The following GABRG2 variants were observed in gnomAD, a reference collection of about 807,000 sequenced individuals.
GABRG2 encodes the protein gamma-aminobutyric acid type A receptor subunit gamma2, also known as gamma-aminobutyric acid receptor subunit gamma-2.
In GABRG2, 16 loss-of-function variants were observed where a neutral mutation model predicts 56.4. The ratio of observed to expected loss-of-function variants is 0.28; its 90% confidence interval spans 0.19 to 0.43. The LOEUF is 0.43. Ranked by LOEUF, GABRG2 falls within the 20% of genes least tolerant of loss-of-function variation. The pLI, the probability that GABRG2 is intolerant of heterozygous loss-of-function variation, is 1.00. For missense variants in GABRG2, 327 were observed against 582.7 expected (o/e 0.56, Z 4.52); for synonymous variants, 208 against 205.5 (o/e 1.01, Z -0.10).
At chr5:162,091,142 T>G (rs1436466236) in intron 1 of GABRG2, among the ~76,000 whole-genome samples, 1 of 152,080 alleles carries the variant, frequency 6.6e-6, no homozygotes, top group East Asian at 1.9e-4. Flanking sequence ...ATTATTTTTC[T>G]TCCTGAAAAA....
rs1753767206 is a variant in GABRG2, at chr5:162,155,057, A to T, written c.*1689A>T. 6.6e-6 allele frequency: 1 copy of T among 152,462 alleles called. No homozygotes were observed. Among genetic ancestry groups the T allele is most frequent in the Non-Finnish European group, 1.5e-5 (1 of 68,010 alleles). The allele number at this position is 152,462 out of a possible 1,614,324, so 9.4% of individuals were successfully genotyped here. A position where few individuals can be genotyped will look rare whatever the true frequency, so the allele number is the denominator to read the frequency against. ...ATTAAATCATAGCTAGTATAACTTTACAGATAACCTAAAAAGAATAGAAAA... is the reference window on the plus strand; with the variant it reads ...ATTAAATCATAGCTAGTATAACTTTTCAGATAACCTAAAAAGAATAGAAAA... On this transcript the variant is annotated 3_prime_UTR_variant, in exon 10 of 10. Coordinates refer to ENST00000639213, the MANE Select transcript of GABRG2 (RefSeq NM_198904.4).
At chr5:162,110,806 G>A (rs542606093) in intron 6 of GABRG2, among the ~76,000 whole-genome samples, 26 of 152,184 alleles carry the variant, frequency 1.7e-4, no homozygotes, top group Middle Eastern at 3.4e-3. Context: ...TTGAAGCAGC[G>A]TAATATCTTA....
At chr5:162,123,918 T>C (rs1763142647) in intron 6 of GABRG2, among the ~76,000 whole-genome samples, 1 of 151,872 alleles carries the variant, frequency 6.6e-6, no homozygotes, top group Admixed American at 6.6e-5. Context: ...AAGCAACATC[T>C]TCAAACGACT....
intron 6 of GABRG2, among the ~76,000 whole-genome samples, chr5:162,111,174 A>G (rs1427637429): frequency 6.6e-6 from 1 of 152,190 alleles, no homozygotes; most frequent in Non-Finnish European, 1.5e-5. Flanking sequence ...ATTTCAAAAC[A>G]AATACAAAAA....
chr5:162,133,518 G>C (rs1324394105), intron 6 of GABRG2, among the ~76,000 whole-genome samples: 1 of 152,082 alleles, frequency 6.6e-6, no homozygotes, highest in Non-Finnish European at 1.5e-5. Flanking sequence ...CCAGGAAATT[G>C]CTGTCTCTTT....
intron 6 of GABRG2, among the ~76,000 whole-genome samples, chr5:162,123,535 G>A (rs1196515241): frequency 6.6e-6 from 1 of 151,736 alleles, no homozygotes; most frequent in Non-Finnish European, 1.5e-5. Context: ...ACCTGTCTTG[G>A]GAGTTACAGC....
At chr5:162,087,658 C>A (rs891087045) in intron 1 of GABRG2, among the ~76,000 whole-genome samples, 1 of 151,986 alleles carries the variant, frequency 6.6e-6, no homozygotes, top group Non-Finnish European at 1.5e-5. Flanking sequence ...ATTTTGAATA[C>A]GTAGTTAAGG....
chr5:162,129,462 C>T (rs1056034266), intron 6 of GABRG2, among the ~76,000 whole-genome samples: 6 of 151,348 alleles, frequency 4.0e-5, no homozygotes, highest in Non-Finnish European at 8.8e-5. Context: ...CTATGAGTTA[C>T]GTGAAAACAT....
At position 162,101,536 on chromosome 5, in the gene GABRG2, G is replaced by T. The variant is rs970912162; in HGVS notation, c.631+219G>T. On this transcript the variant is annotated intron_variant, in intron 5 of 9. Transcript: ENST00000639213. ...CTGATTTTATTAAGAATTACAATAG[G>T]TTTCCTTGAGTTGCAAACTTTTAAT... 46 of 556,658 alleles carry T rather than the reference G, an allele frequency of 8.3e-5. No homozygotes were observed. In the South Asian group the frequency reaches 8.9e-4, roughly 11 times the overall value. The allele number at this position is 556,658 out of a possible 1,614,324, so 34.5% of individuals were successfully genotyped here. A position where few individuals can be genotyped will look rare whatever the true frequency, so the allele number is the denominator to read the frequency against.
At chr5:162,151,783 G>T (rs1450078184) in intron 9 of GABRG2, 30 bp downstream of exon 9, 1 of 1,583,278 alleles carries the variant, frequency 6.3e-7, no homozygotes, top group South Asian at 1.1e-5. Context: ...GAAATTCACT[G>T]CATGCAACTG....
At chr5:162,147,457 C>A (rs549239894) in intron 7 of GABRG2, among the ~76,000 whole-genome samples, 1 of 151,902 alleles carries the variant, frequency 6.6e-6, no homozygotes, top group Non-Finnish European at 1.5e-5. Flanking sequence ...CCCCGCCTCC[C>A]GTGTTCAAGT....
intron 1 of GABRG2, among the ~76,000 whole-genome samples, chr5:162,087,623 A>G (rs1760229342): frequency 6.6e-6 from 1 of 152,066 alleles, no homozygotes; most frequent in East Asian, 1.9e-4. Flanking sequence ...GGAGGATAGA[A>G]GAGAGAGATA....
chr5:162,108,742 T>C (rs1762011714), intron 6 of GABRG2, among the ~76,000 whole-genome samples: 1 of 152,174 alleles, frequency 6.6e-6, no homozygotes, highest in Admixed American at 6.6e-5. Flanking sequence ...ATTAAAAATC[T>C]GCCTGACAAG....
At chr5:162,145,498 G>A (rs1162614002) in intron 7 of GABRG2, among the ~76,000 whole-genome samples, 1 of 152,122 alleles carries the variant, frequency 6.6e-6, no homozygotes, top group Non-Finnish European at 1.5e-5. Flanking sequence ...TGGTTGAGGA[G>A]ACAATATAAA....
intron 6 of GABRG2, among the ~76,000 whole-genome samples, chr5:162,134,816 C>G (rs1764001006): frequency 6.6e-6 from 1 of 152,120 alleles, no homozygotes; most frequent in Non-Finnish European, 1.5e-5. Flanking sequence ...CCCTCCTCAG[C>G]AGCCTGCAGG....
intron 1 of GABRG2, among the ~76,000 whole-genome samples, chr5:162,084,048 C>T (rs534124602): frequency 1.9e-4 from 29 of 151,804 alleles, no homozygotes; most frequent in Non-Finnish European, 3.4e-4. Flanking sequence ...ATTTTAATTA[C>T]GTATTTTGTC....
chr5:162,149,668 C>T, intron 8 of GABRG2: 1 of 595,324 alleles, frequency 1.7e-6, no homozygotes, highest in Non-Finnish European at 3.2e-6. Flanking sequence ...GGCTGGAGTG[C>T]AGTGGCGGGA....
Position 162,151,716 on chromosome 5 carries a change from C to A in GABRG2, c.1129-14C>A. 6.2e-7 allele frequency: 1 copy of A among 1,602,522 alleles called. No homozygotes were observed. Among genetic ancestry groups the A allele is most frequent in the Non-Finnish European group, 8.5e-7 (1 of 1,173,954 alleles). On this transcript the variant is annotated splice_polypyrimidine_tract_variant and intron_variant, in intron 8 of 9. Transcript: ENST00000639213. ...AAACAAATGCAATTCTCTTTTCTGT[C>A]TACAAACCCAAAGCTTCTTCGGATG...
chr5:162,072,710 C>A (rs1758772336), intron 1 of GABRG2, among the ~76,000 whole-genome samples: 1 of 151,958 alleles, frequency 6.6e-6, no homozygotes, highest in African/African-American at 2.4e-5. Context: ...CACAAACACA[C>A]ATACACAGAC....
Sources: gnomAD v4.1 joint callset for allele counts (sites outside exome capture counted in the v4.1 genomes callset) on GRCh38, gnomAD v4.1.1 for gene constraint, MANE v1.5 for transcripts, NCBI Gene and HGNC (gene_info 2026-07-23, HGNC 2026-07-21) for gene names.